The following TMEM255B variants were observed in gnomAD, a reference collection of about 807,000 sequenced individuals.
TMEM255B encodes the protein family with sequence similarity 70, member B.
A neutral mutation model predicts 34.5 loss-of-function variants in TMEM255B; 35 were observed. That is an observed-to-expected ratio of 1.01 (90% CI 0.77 to 1.34). The LOEUF is 1.34. Ranked by LOEUF, TMEM255B falls within the 40% of genes most tolerant of loss-of-function variation. The pLI, the probability that TMEM255B is intolerant of heterozygous loss-of-function variation, is 0.00. For synonymous variants in TMEM255B, 206 were observed against 201.2 expected (o/e 1.02, Z -0.20); for missense variants, 432 against 433.2 (o/e 1.00, Z 0.02).
chr13:113,801,861 C>T (rs769240273), intron 7 of TMEM255B, 49 bp downstream of exon 7: 28 of 1,513,054 alleles, frequency 1.9e-5, no homozygotes, highest in African/African-American at 4.2e-5. Context: ...GCCGGGGCTC[C>T]GGGTCCATTT....
intron 2 of TMEM255B, among the ~76,000 whole-genome samples, chr13:113,767,644 A>G (rs1369745473): frequency 1.3e-5 from 2 of 152,274 alleles, no homozygotes; most frequent in Non-Finnish European, 2.9e-5. Flanking sequence ...AATGGCCTGT[A>G]GTACAGACAG....
chr13:113,782,447 A>G (rs1327998943), intron 3 of TMEM255B, among the ~76,000 whole-genome samples: 1 of 152,238 alleles, frequency 6.6e-6, no homozygotes. Flanking sequence ...TAGATCATTT[A>G]TGAAAACTGT....
chr13:113,796,721 G>A (rs1222638730), intron 4 of TMEM255B, among the ~76,000 whole-genome samples: 4 of 152,220 alleles, frequency 2.6e-5, no homozygotes, highest in Admixed American at 2.6e-4. Flanking sequence ...CGCCATCTGG[G>A]CGTCAGCTGG....
rs200945418 is a variant in TMEM255B at position 113,804,946 on chromosome 13, C to T, written c.731C>T (p.Ala244Val). 11 of 1,606,366 alleles carry T rather than the reference C, an allele frequency of 6.8e-6. No individual in the cohort carries two copies. In the East Asian group the frequency reaches 2.2e-4, roughly 33 times the overall value. Residue 244 changes from alanine (A) to valine (V), a missense_variant, in exon 8 of 9, where the codon GCC becomes GTC. Coordinates refer to ENST00000375353, the MANE Select transcript of TMEM255B (RefSeq NM_182614.4). Reference sequence around the variant, plus strand: ...CCACCACAGACCCTCTACAACCCCGCCCAGCAGATCCTGGCCTACGCAGGC... The same window carrying T: ...CCACCACAGACCCTCTACAACCCCGTCCAGCAGATCCTGGCCTACGCAGGC... The part of the protein sequence containing the change: ...AVPPQTLYNP[A>V]QQILAYAGFR...
chr13:113,762,859 A>G (rs2050330778), intron 1 of TMEM255B, among the ~76,000 whole-genome samples: 1 of 152,388 alleles, frequency 6.6e-6, no homozygotes, highest in Middle Eastern at 3.4e-3. Flanking sequence ...TATTTTGAGC[A>G]TAATATTATA....
chr13:113,805,539 C>A (rs1040230078), intron 8 of TMEM255B, among the ~76,000 whole-genome samples: 3 of 152,322 alleles, frequency 2.0e-5, no homozygotes, highest in Non-Finnish European at 2.9e-5. Flanking sequence ...CCTGCCTGTC[C>A]GATTTCCACT....
chr13:113,778,181 A>G (rs569856089), intron 3 of TMEM255B, among the ~76,000 whole-genome samples: 27 of 152,352 alleles, frequency 1.8e-4, no homozygotes, highest in African/African-American at 5.8e-4. Flanking sequence ...ACCCTGCAGT[A>G]TAAAAAGCCG....
In TMEM255B at chr13:113,816,108, A is replaced by AAGCGTGTTTGC. The variant is rs2051398902; in HGVS notation, c.*4214_*4224dup. On this transcript the variant is annotated 3_prime_UTR_variant, in exon 9 of 9. Coordinates refer to ENST00000375353, the MANE Select transcript of TMEM255B (RefSeq NM_182614.4). Reference sequence around the variant, plus strand: ...GGACACGGGTTCTTTTCGGGGAGGCAAGCGTGTTTGCAGCGTGTTCTGGAT... The same window carrying AAGCGTGTTTGC: ...GGACACGGGTTCTTTTCGGGGAGGCAAGCGTGTTTGCAGCGTGTTTGCAGCGTGTTCTGGAT... 1 of 172,234 alleles carries AAGCGTGTTTGC rather than the reference A, an allele frequency of 5.8e-6. No individual in the cohort carries two copies. The highest frequency in any genetic ancestry group is 2.6e-5 in the African/African-American group (1 of 39,182). 10.7% of individuals were successfully genotyped at this position (172,234 alleles called of 1,614,324 possible). A position where few individuals can be genotyped will look rare whatever the true frequency, so the allele number is the denominator to read the frequency against.
chr13:113,801,917 G>A (rs2051073300), intron 7 of TMEM255B, 105 bp downstream of exon 7: 6 of 1,288,622 alleles, frequency 4.7e-6, no homozygotes, highest in Admixed American at 2.8e-5. Flanking sequence ...TTACAGATGG[G>A]GCACTGAAGC....
At chr13:113,796,570 T>A (rs1446588471) in intron 4 of TMEM255B, among the ~76,000 whole-genome samples, 4 of 151,500 alleles carry the variant, frequency 2.6e-5, no homozygotes, top group Non-Finnish European at 4.4e-5. Context: ...CACACCACGC[T>A]CTTTTCACCT....
rs376573575 is a variant in TMEM255B at position 113,797,793 on chromosome 13, C to A, written c.343-1546C>A. Among the ~76,000 whole-genome samples the A allele has an allele frequency of 2.0e-5, 3 of 152,346 alleles. No homozygotes were observed. In the South Asian group the frequency reaches 6.2e-4, roughly 32 times the overall value. On this transcript the variant is annotated intron_variant, in intron 4 of 8. Coordinates refer to ENST00000375353, the MANE Select transcript of TMEM255B (RefSeq NM_182614.4). ...GAGCCTTTGAGAAATACTAATAAAACTAAACGTGGGCAATGTGACCCTAGC... is the reference window on the plus strand; with the variant it reads ...GAGCCTTTGAGAAATACTAATAAAAATAAACGTGGGCAATGTGACCCTAGC...
intron 3 of TMEM255B, among the ~76,000 whole-genome samples, chr13:113,787,749 G>A (rs1200124327): frequency 6.6e-6 from 1 of 151,870 alleles, no homozygotes; most frequent in African/African-American, 2.4e-5. Flanking sequence ...TGAGAGCCGT[G>A]AATGTGTCAA....
At chr13:113,780,715 A>G (rs755727904) in intron 3 of TMEM255B, among the ~76,000 whole-genome samples, 2 of 152,194 alleles carry the variant, frequency 1.3e-5, no homozygotes, top group Non-Finnish European at 2.9e-5. Context: ...CCTGTATTGA[A>G]GAGCACCTGG....
Position 113,795,210 on chromosome 13 carries a change from G to A in TMEM255B, c.315G>A (p.Val105=). ...TGGCCGCCTTCTGCTGCGCCATCGT[G>A]GACGGCGTATTTGCAGCACAGCACA... ...GVVAAFCCAI[V]DGVFAAQHIE... is the part of the protein sequence containing the mutation. Residue 105 remains valine, a synonymous_variant, in exon 4 of 9, where the codon GTG becomes GTA. Transcript: ENST00000375353. The A allele has an allele frequency of 1.2e-6, 2 of 1,613,874 alleles. No individual in the cohort carries two copies. Among genetic ancestry groups the A allele is most frequent in the Admixed American group, 1.7e-5 (1 of 60,018 alleles).
chr13:113,761,451 C>A, intron 1 of TMEM255B: 1 of 801,398 alleles, frequency 1.2e-6, no homozygotes, highest in Non-Finnish European at 1.5e-6. Flanking sequence ...GAAGTGGGGG[C>A]TGGTGGGGAG....
chr13:113,774,199 T>C (rs1305517147), intron 3 of TMEM255B, among the ~76,000 whole-genome samples: 2 of 152,080 alleles, frequency 1.3e-5, no homozygotes, highest in African/African-American at 4.8e-5. Flanking sequence ...AAGATTTCAC[T>C]CTGTTCACTT....
At chr13:113,785,078 GT>G (rs2050721198) in intron 3 of TMEM255B, among the ~76,000 whole-genome samples, 1 of 152,366 alleles carries the variant, frequency 6.6e-6, no homozygotes, top group East Asian at 1.9e-4. Flanking sequence ...GTGGAGGAGA[GT>G]TTTATTGCAG....
intron 4 of TMEM255B, among the ~76,000 whole-genome samples, chr13:113,798,057 G>A (rs901116851): frequency 6.6e-6 from 1 of 152,218 alleles, no homozygotes; most frequent in African/African-American, 2.4e-5. Context: ...CCACAAATGG[G>A]TGTATGGCTG....
In TMEM255B at chr13:113,794,865, G is replaced by A. The variant is rs77874604; in HGVS notation, c.253-283G>A. On this transcript the variant is annotated intron_variant, in intron 3 of 8. Coordinates refer to ENST00000375353, the MANE Select transcript of TMEM255B (RefSeq NM_182614.4). Reference sequence around the variant, plus strand: ...ATTAGGGTTGGGCACACGCCCTGCCGTCTGGGGTTGCTTCTCAGAGGCGCG... The same window carrying A: ...ATTAGGGTTGGGCACACGCCCTGCCATCTGGGGTTGCTTCTCAGAGGCGCG... 9.8e-3 allele frequency among the ~76,000 whole-genome samples: 1,498 copies of A among 152,350 alleles called. 32 individuals carry two copies. Among genetic ancestry groups the A allele is most frequent in the African/African-American group, 0.033 (1,378 of 41,586 alleles).
Sources: gnomAD v4.1 joint callset for allele counts (sites outside exome capture counted in the v4.1 genomes callset) on GRCh38, gnomAD v4.1.1 for gene constraint, MANE v1.5 for transcripts, NCBI Gene and HGNC (gene_info 2026-07-23, HGNC 2026-07-21) for gene names.